The following CFAP47 variants were observed in gnomAD, a reference collection of about 807,000 sequenced individuals.
The protein encoded by CFAP47 is cilia and flagella associated protein 47, also known as cilia- and flagella-associated protein 47.
In CFAP47, 29 loss-of-function variants were observed where a neutral mutation model predicts 148.1. The observed-to-expected ratio is 0.20, with a 90% CI of 0.15 to 0.27. The LOEUF is 0.27. CFAP47 is among the 10% of genes least tolerant of loss of function. The pLI is 1.00. For synonymous variants in CFAP47, 664 were observed against 577.3 expected, an observed-to-expected ratio of 1.15 and a Z score of -2.15; for missense variants, 1,872 against 1,697.5, an observed-to-expected ratio of 1.10 and a Z score of -1.81.
intron 45 of CFAP47, among the ~76,000 whole-genome samples, chrX:36,207,678 C>T (rs1278905166): frequency 9.0e-6 from 1 of 111,232 alleles, no homozygotes; most frequent in Non-Finnish European, 1.9e-5. Context: ...AGGCCCCTCC[C>T]GCAAATTGTG....
At chrX:36,227,407 G>A (rs1263756404) in intron 45 of CFAP47, among the ~76,000 whole-genome samples, 4 of 111,316 alleles carry the variant, frequency 3.6e-5, no homozygotes, top group Non-Finnish European at 5.7e-5. Context: ...CATAGACATG[G>A]AATATATGCT....
intron 33 of CFAP47, among the ~76,000 whole-genome samples, chrX:36,109,406 C>G (rs1239743550): frequency 8.9e-6 from 1 of 111,818 alleles, no homozygotes; most frequent in Non-Finnish European, 1.9e-5. Flanking sequence ...TTTACACTCC[C>G]AGCGACAGTT....
intron 62 of CFAP47, among the ~76,000 whole-genome samples, chrX:36,374,018 GT>G (rs1189959701): frequency 1.1e-4 from 12 of 109,941 alleles, no homozygotes; most frequent in Non-Finnish European, 1.3e-4. Flanking sequence ...TTGGTCTGTA[GT>G]TTTTTTTTCT....
At chrX:35,951,464 A>G (rs1936165830) in intron 5 of CFAP47, 105 bp downstream of exon 5, 5 of 587,189 alleles carry the variant, frequency 8.5e-6, no homozygotes, top group Non-Finnish European at 1.1e-5. Flanking sequence ...AATATCTTTT[A>G]ACATGGGCAG....
chrX:36,118,013 T>C (rs1057154027), intron 33 of CFAP47, among the ~76,000 whole-genome samples: 1 of 112,004 alleles, frequency 8.9e-6, no homozygotes, highest in African/African-American at 3.2e-5. Context: ...TTCCCCAGTG[T>C]ATCTTCTTAA....
intron 44 of CFAP47, among the ~76,000 whole-genome samples, chrX:36,203,838 C>A (rs782248761): frequency 8.9e-6 from 1 of 111,909 alleles, no homozygotes; most frequent in South Asian, 3.7e-4. Context: ...GTTGTTGTAA[C>A]CCCCATTATC....
chrX:36,192,960 G>C (rs868937753), intron 42 of CFAP47, among the ~76,000 whole-genome samples: 32 of 111,988 alleles, frequency 2.9e-4, no homozygotes, highest in African/African-American at 1.0e-3. Flanking sequence ...GACCCTGCAA[G>C]GCTTTCTTGT....
At chrX:36,268,185 C>G (rs1940917625) in intron 49 of CFAP47, among the ~76,000 whole-genome samples, 1 of 113,639 alleles carries the variant, frequency 8.8e-6, no homozygotes, top group African/African-American at 3.2e-5. Flanking sequence ...CAATTTCTGG[C>G]ATACAGCTGC....
chrX:36,170,583 G>C (rs886844549), intron 39 of CFAP47, among the ~76,000 whole-genome samples: 9 of 110,524 alleles, frequency 8.1e-5, no homozygotes, highest in Admixed American at 2.9e-4. Context: ...TACCGAGAAT[G>C]ATGATTTCCA....
intron 19 of CFAP47, among the ~76,000 whole-genome samples, chrX:35,998,545 T>A (rs1936875475): frequency 8.9e-6 from 1 of 111,905 alleles, no homozygotes; most frequent in South Asian, 3.7e-4. Flanking sequence ...ACCATACTGG[T>A]GTGGAGCTAA....
At chrX:36,209,656 A>G (rs954324200) in intron 45 of CFAP47, among the ~76,000 whole-genome samples, 4 of 111,572 alleles carry the variant, frequency 3.6e-5, no homozygotes, top group Non-Finnish European at 7.5e-5. Context: ...ATTTACATCA[A>G]GTAAAAAATA....
At chrX:36,378,004 A>T (rs1942040656) in intron 62 of CFAP47, among the ~76,000 whole-genome samples, 1 of 111,842 alleles carries the variant, frequency 8.9e-6, no homozygotes, top group African/African-American at 3.2e-5. Context: ...TACTCAATAC[A>T]TATTTGCTGA....
intron 33 of CFAP47, among the ~76,000 whole-genome samples, chrX:36,115,647 A>G (rs774137447): frequency 2.7e-5 from 3 of 111,874 alleles, no homozygotes; most frequent in Non-Finnish European, 5.6e-5. Flanking sequence ...TTTCCTATGT[A>G]TGGAGGGAGG....
intron 28 of CFAP47, among the ~76,000 whole-genome samples, chrX:36,072,349 T>G (rs1937771007): frequency 8.9e-6 from 1 of 112,182 alleles, no homozygotes; most frequent in Admixed American, 9.5e-5. Context: ...TCTGTAAATT[T>G]ACTGTGACAT....
chrX:36,036,023 A>G (rs771415592), intron 24 of CFAP47, among the ~76,000 whole-genome samples, 169 bp downstream of exon 24: 2 of 111,679 alleles, frequency 1.8e-5, no homozygotes, highest in Non-Finnish European at 3.8e-5. Flanking sequence ...ACATTATTTA[A>G]TTGACAAAGT....
rs1941730039 is a variant in CFAP47 at position 36,350,033 on chromosome X, A to T, written c.8604-5A>T. 9.2e-7 allele frequency: 1 copy of T among 1,090,485 alleles called. No individual in the cohort carries two copies. The highest frequency in any genetic ancestry group is 1.2e-6 in the Non-Finnish European group (1 of 808,712). The allele number at this position is 1,090,485 out of a possible 1,213,427, so 89.9% of individuals were successfully genotyped here. On this transcript the variant is annotated splice_polypyrimidine_tract_variant and splice_region_variant and intron_variant, in intron 58 of 63. Transcript: ENST00000378653. Reference sequence around the variant, plus strand: ...TTCCCTCTTAATATTTTAATTTCTAATTAGTATTGTGGGAATCGACAGCGA... The same window carrying T: ...TTCCCTCTTAATATTTTAATTTCTATTTAGTATTGTGGGAATCGACAGCGA...
At chrX:36,273,148 AAAAAT>A (rs1940978446) in intron 49 of CFAP47, among the ~76,000 whole-genome samples, 2 of 111,695 alleles carry the variant, frequency 1.8e-5, no homozygotes, top group Admixed American at 1.9e-4. Flanking sequence ...TAAATATTTT[AAAAAT>A]TATTTTCAAA....
chrX:36,371,800 A>G (rs1556021758), intron 62 of CFAP47, among the ~76,000 whole-genome samples: 1 of 55,510 alleles, frequency 1.8e-5, no homozygotes, highest in Non-Finnish European at 2.8e-5. Flanking sequence ...GTGTATATAC[A>G]CACATGTATA....
intron 49 of CFAP47, among the ~76,000 whole-genome samples, chrX:36,279,782 G>T (rs781978926): frequency 9.0e-6 from 1 of 111,113 alleles, no homozygotes; most frequent in Non-Finnish European, 1.9e-5. Context: ...TCAGCTCACT[G>T]CAACTTCCGC....
Sources: gnomAD v4.1 joint callset for allele counts (sites outside exome capture counted in the v4.1 genomes callset) on GRCh38, gnomAD v4.1.1 for gene constraint, MANE v1.5 for transcripts, NCBI Gene and HGNC (gene_info 2026-07-23, HGNC 2026-07-21) for gene names.